The following ANXA8 variants were observed in gnomAD, a reference collection of about 807,000 sequenced individuals.
ANXA8 encodes the protein annexin A8.
Under a neutral mutation model 26.8 loss-of-function variants are expected in ANXA8, and 9 were observed. The ratio of observed to expected loss-of-function variants is 0.34; its 90% CI spans 0.20 to 0.59. The LOEUF is 0.59. Ranked by LOEUF, ANXA8 falls within the 20% of genes least tolerant of loss-of-function variation. The pLI, the probability that ANXA8 is intolerant of heterozygous loss-of-function variation, is 0.84. For missense variants in ANXA8, 83 were observed against 238.5 expected, an observed-to-expected ratio of 0.35 and a Z score of 4.29; for synonymous variants, 39 against 94.8, an observed-to-expected ratio of 0.41 and a Z score of 3.42.
At chr10:47,646,569 C>A in the ANXA8 span, among the ~76,000 whole-genome samples, 1 of 151,262 alleles carries the variant, frequency 6.6e-6, no homozygotes, top group Non-Finnish European at 1.5e-5. Flanking sequence ...TTAGTTGAGA[C>A]AGAAACAGGC....
chr10:47,952,429 G>A, the ANXA8 span, among the ~76,000 whole-genome samples: 1 of 150,284 alleles, frequency 6.7e-6, no homozygotes, highest in Non-Finnish European at 1.5e-5. Flanking sequence ...AAGATACAAT[G>A]GTCAGTAAAC....
the ANXA8 span, chr10:47,502,359 C>T: frequency 1.2e-6 from 2 of 1,608,300 alleles, no homozygotes; most frequent in Non-Finnish European, 1.7e-6. Context: ...CCCGCAGCAG[C>T]TGCTGGCCCA....
chr10:47,548,335 C>T, the ANXA8 span, among the ~76,000 whole-genome samples: 1 of 144,906 alleles, frequency 6.9e-6, no homozygotes, highest in Non-Finnish European at 1.5e-5. Flanking sequence ...GAATTTCACT[C>T]TTGTTGCCCA....
the ANXA8 span, among the ~76,000 whole-genome samples, chr10:47,603,492 C>T: frequency 2.7e-5 from 4 of 147,228 alleles, no homozygotes; most frequent in South Asian, 8.3e-4. Context: ...ATATTTCATT[C>T]ACGTTAGCAT....
the ANXA8 span, among the ~76,000 whole-genome samples, chr10:47,748,178 A>G: frequency 6.6e-6 from 1 of 151,358 alleles, no homozygotes; most frequent in Admixed American, 6.6e-5. Flanking sequence ...ATAAATAAAA[A>G]CAAAACTGCA....
At chr10:47,652,578 C>T in the ANXA8 span, among the ~76,000 whole-genome samples, 134 of 149,882 alleles carry the variant, frequency 8.9e-4, no homozygotes, top group Non-Finnish European at 1.6e-3. Flanking sequence ...GCCTGGTCAA[C>T]AGAACGAGAC....
chr10:47,733,289 TTCTTTC>T, the ANXA8 span, among the ~76,000 whole-genome samples: 2 of 84,922 alleles, frequency 2.4e-5, no homozygotes, highest in Admixed American at 2.4e-4. Context: ...CTTTCTTTCT[TTCTTTC>T]TTTTTTTTCT....
chr10:47,976,516 T>G, the ANXA8 span, among the ~76,000 whole-genome samples: 2 of 148,670 alleles, frequency 1.3e-5, no homozygotes, highest in East Asian at 3.9e-4. Flanking sequence ...GAGACCAGTC[T>G]GGACAACACA....
chr10:47,609,411 C>A, the ANXA8 span, among the ~76,000 whole-genome samples: 1 of 110,224 alleles, frequency 9.1e-6, no homozygotes. Context: ...AAGATTATTT[C>A]ACTCAAGAAA....
At chr10:47,653,260 C>T in the ANXA8 span, among the ~76,000 whole-genome samples, 5 of 149,556 alleles carry the variant, frequency 3.3e-5, no homozygotes, top group African/African-American at 7.7e-5. Context: ...TGCAGTGAGC[C>T]GAGACTGCGC....
At chr10:47,495,289 A>ATTATTAT in the ANXA8 span, among the ~76,000 whole-genome samples, 13 of 100,554 alleles carry the variant, frequency 1.3e-4, no homozygotes, top group South Asian at 3.6e-4. Context: ...TATTATTATT[A>ATTATTAT]TTATTATTAT....
the ANXA8 span, among the ~76,000 whole-genome samples, chr10:47,626,428 A>G: frequency 1.3e-5 from 2 of 150,288 alleles, no homozygotes; most frequent in Non-Finnish European, 2.9e-5. Flanking sequence ...GAGAAAGTAG[A>G]TTACTCAATT....
At chr10:47,580,741 C>CA in the ANXA8 span, among the ~76,000 whole-genome samples, 12 of 63,860 alleles carry the variant, frequency 1.9e-4, no homozygotes, top group African/African-American at 7.2e-4. Flanking sequence ...GGACCTGTCT[C>CA]AAAAAACAAA....
chr10:47,504,985 T>C, the ANXA8 span, among the ~76,000 whole-genome samples: 1 of 144,512 alleles, frequency 6.9e-6, no homozygotes, highest in Non-Finnish European at 1.5e-5. Flanking sequence ...GCCTCCCAAG[T>C]AGCAGGGATT....
the ANXA8 span, among the ~76,000 whole-genome samples, chr10:47,493,543 A>C: frequency 6.7e-6 from 1 of 149,296 alleles, no homozygotes; most frequent in Non-Finnish European, 1.5e-5. Flanking sequence ...CCTGCTCTAG[A>C]ATGGCTTCCA....
At chr10:47,522,284 T>C in the ANXA8 span, among the ~76,000 whole-genome samples, 190 of 145,074 alleles carry the variant, frequency 1.3e-3, 6 homozygotes, top group African/African-American at 4.6e-3. Flanking sequence ...CCACCTCTCT[T>C]TTAGAACAAG....
At chr10:47,584,109 G>A in the ANXA8 span, among the ~76,000 whole-genome samples, 2 of 147,496 alleles carry the variant, frequency 1.4e-5, 1 homozygote, top group African/African-American at 5.3e-5. Context: ...AGCCCGGAAG[G>A]TTGAAGCTAT....
chr10:47,501,007 C>T, the ANXA8 span, among the ~76,000 whole-genome samples: 2 of 142,134 alleles, frequency 1.4e-5, no homozygotes, highest in African/African-American at 5.3e-5. Flanking sequence ...CATTCTCCTG[C>T]CTCAGCCTCC....
chr10:47,668,203 T>G, the ANXA8 span, among the ~76,000 whole-genome samples: 1 of 151,418 alleles, frequency 6.6e-6, no homozygotes, highest in African/African-American at 2.4e-5. Context: ...TTGATTCTGT[T>G]GCCATCTCTT....
Sources: allele counts gnomAD v4.1 joint callset (sites outside exome capture counted in the v4.1 genomes callset), GRCh38; gene constraint gnomAD v4.1.1; transcripts MANE v1.5; gene names NCBI Gene and HGNC (gene_info 2026-07-23, HGNC 2026-07-21).